The following CELF2 variants were observed in gnomAD, a reference collection of about 807,000 sequenced individuals.
The protein encoded by CELF2 is CUG triplet repeat RNA-binding protein 2.
CELF2 carries 8 observed loss-of-function variants against 62.6 expected under a neutral mutation model. The observed-to-expected ratio is 0.13, with a 90% CI of 0.07 to 0.23. The LOEUF (loss-of-function observed/expected upper bound fraction) is 0.23, where lower values mean the gene tolerates loss of function less well. CELF2 is among the 10% of genes least tolerant of loss of function. The probability of loss-of-function intolerance (pLI) is 1.00; values close to 1 mark genes in which losing one functional copy is unlikely to be tolerated. For missense variants in CELF2, 333 were observed against 671.0 expected, an observed-to-expected ratio of 0.50 and a Z score of 5.56; for synonymous variants, 258 against 250.0, an observed-to-expected ratio of 1.03 and a Z score of -0.30.
intron 1 of CELF2, among the ~76,000 whole-genome samples, chr10:10,895,915 G>A (rs916012554): frequency 5.9e-5 from 9 of 152,154 alleles, no homozygotes; most frequent in African/African-American, 1.9e-4. Context: ...ATGGCTTGAG[G>A]TATTTGGAAG....
At chr10:10,904,332 T>C (rs926790742) in intron 1 of CELF2, among the ~76,000 whole-genome samples, 1 of 152,004 alleles carries the variant, frequency 6.6e-6, no homozygotes, top group African/African-American at 2.4e-5. Flanking sequence ...GCTCAAGCGA[T>C]CCTCCCACGT....
the CELF2 span, among the ~76,000 whole-genome samples, chr10:10,703,418 C>G: frequency 8.5e-5 from 13 of 152,214 alleles, no homozygotes; most frequent in Non-Finnish European, 1.8e-4. Context: ...CCTGACTTAA[C>G]CAACAGTGAG....
chr10:10,892,812 T>C (rs77547739), intron 1 of CELF2, among the ~76,000 whole-genome samples: 2,538 of 152,302 alleles, frequency 0.017, 68 homozygotes, highest in African/African-American at 0.055. Flanking sequence ...GGTATTGACA[T>C]AGAGGAGAGA....
At chr10:10,763,563 A>G in the CELF2 span, among the ~76,000 whole-genome samples, 1 of 152,234 alleles carries the variant, frequency 6.6e-6, no homozygotes, top group Non-Finnish European at 1.5e-5. Context: ...GAAGATGCAG[A>G]AAGGAAGAAA....
chr10:10,784,778 C>A, the CELF2 span: 8 of 152,206 alleles, frequency 5.3e-5, no homozygotes, highest in African/African-American at 1.9e-4. Context: ...CCATTTAGGG[C>A]CACAGGATTT....
intron 2 of CELF2, among the ~76,000 whole-genome samples, chr10:10,975,353 A>C (rs2051207741): frequency 6.6e-6 from 1 of 152,156 alleles, no homozygotes; most frequent in Admixed American, 6.6e-5. Context: ...CCTGGGCTAA[A>C]GTGATCCTCC....
the CELF2 span, among the ~76,000 whole-genome samples, chr10:10,670,854 A>G: frequency 6.6e-6 from 1 of 152,200 alleles, no homozygotes; most frequent in Middle Eastern, 3.4e-3. Flanking sequence ...AGCCTTTTCA[A>G]ATTGGCTCCT....
intron 2 of CELF2, among the ~76,000 whole-genome samples, chr10:10,982,298 C>G (rs773860467): frequency 7.9e-5 from 12 of 152,138 alleles, no homozygotes; most frequent in Non-Finnish European, 1.3e-4. Context: ...TCAAAATCCT[C>G]TGGCACCTGG....
chr10:11,297,222 G>T lies in CELF2; in HGVS notation c.976+8670G>T, dbSNP rs979075007. 1.8e-4 allele frequency among the ~76,000 whole-genome samples: 28 copies of T among 152,212 alleles called. No homozygotes were observed. The highest frequency in any genetic ancestry group is 6.5e-4 in the Admixed American group (10 of 15,292). On this transcript the variant is annotated intron_variant, in intron 9 of 12. Coordinates refer to ENST00000633077, the MANE Select transcript of CELF2 (RefSeq NM_001326342.2). The surrounding 1 kb of genome is among the most constrained non-coding windows in gnomAD (Gnocchi z 4.4). ...AATGATCGGACGTGGCACATGGAGA[G>T]CTCAAGTGCACATGAACGGACATTC...
At chr10:10,536,785 A>G in the CELF2 span, among the ~76,000 whole-genome samples, 1 of 152,222 alleles carries the variant, frequency 6.6e-6, no homozygotes, top group Admixed American at 6.5e-5. Context: ...GTAAGGATGA[A>G]TTCTTAATAA....
At chr10:10,534,490 C>A in the CELF2 span, among the ~76,000 whole-genome samples, 1 of 152,070 alleles carries the variant, frequency 6.6e-6, no homozygotes, top group Non-Finnish European at 1.5e-5. Flanking sequence ...GTTGGGTTAA[C>A]CTTGAAAAGA....
chr10:10,707,858 C>T, the CELF2 span, among the ~76,000 whole-genome samples: 1 of 152,088 alleles, frequency 6.6e-6, no homozygotes, highest in Non-Finnish European at 1.5e-5. Flanking sequence ...TCACCCTTTG[C>T]TAAATTTTAT....
chr10:10,932,614 GAAGA>G (rs2066192196), intron 2 of CELF2, among the ~76,000 whole-genome samples: 1 of 151,926 alleles, frequency 6.6e-6, no homozygotes, highest in Admixed American at 6.6e-5. Context: ...AATTTTAGTA[GAAGA>G]AAGCATGTTC....
At chr10:10,612,490 A>G in the CELF2 span, among the ~76,000 whole-genome samples, 13 of 152,100 alleles carry the variant, frequency 8.5e-5, no homozygotes, top group African/African-American at 3.1e-4. Context: ...CCAGAGGGAG[A>G]AAATGAACCA....
the CELF2 span, among the ~76,000 whole-genome samples, chr10:10,499,069 CTT>C: frequency 3.9e-4 from 54 of 138,914 alleles, no homozygotes; most frequent in African/African-American, 9.8e-4. Context: ...AAGCATTCTA[CTT>C]TTTTTTTTTT....
At chr10:11,320,442 A>G (rs1389587719) in intron 10 of CELF2, among the ~76,000 whole-genome samples, 3 of 152,198 alleles carry the variant, frequency 2.0e-5, no homozygotes, top group Non-Finnish European at 4.4e-5. Flanking sequence ...CACGCACAGA[A>G]TAACTATTTG....
At chr10:10,538,254 C>T in the CELF2 span, among the ~76,000 whole-genome samples, 1 of 149,832 alleles carries the variant, frequency 6.7e-6, no homozygotes, top group African/African-American at 2.4e-5. Flanking sequence ...ATGTCTCCTT[C>T]CTGCCTCCCT....
chr10:10,568,005 T>C, the CELF2 span, among the ~76,000 whole-genome samples: 2 of 151,892 alleles, frequency 1.3e-5, no homozygotes, highest in Non-Finnish European at 2.9e-5. Context: ...ACTCTCACTC[T>C]GGGGAATAAG....
At position 11,197,032 on chromosome 10, in the gene CELF2, A is replaced by AG; in HGVS notation, c.272-20392dup. Among the ~76,000 whole-genome samples, 2 of 15,620 alleles carry AG rather than the reference A, an allele frequency of 1.3e-4. 1 individual carries two copies. The highest frequency in any genetic ancestry group is 8.8e-4 in the African/African-American group (2 of 2,268). 10.2% of individuals were successfully genotyped at this position (15,620 alleles called of 152,430 possible). On this transcript the variant is annotated intron_variant, in intron 2 of 12. Transcript: ENST00000633077. Reference sequence around the variant, plus strand: ...AGAAAGAAAGAAAGAAAGAAAAGAAAGAAAGAAAGAAAGAAAGAAAGAAAG... The same window carrying AG: ...AGAAAGAAAGAAAGAAAGAAAAGAAAGGAAAGAAAGAAAGAAAGAAAGAAAG...
Sources: gnomAD v4.1 joint callset for allele counts (sites outside exome capture counted in the v4.1 genomes callset) on GRCh38, gnomAD v4.1.1 for gene constraint, Gnocchi (gnomAD v3.1) non-coding constraint, MANE v1.5 for transcripts, NCBI Gene and HGNC (gene_info 2026-07-23, HGNC 2026-07-21) for gene names.